The following MFSD2B variants were observed in gnomAD, a reference collection of about 807,000 sequenced individuals.
The protein encoded by MFSD2B is sphingosine-1-phosphate transporter MFSD2B.
A neutral mutation model predicts 58.4 loss-of-function variants in MFSD2B; 56 were observed. The ratio of observed to expected loss-of-function variants is 0.96; its 90% CI spans 0.77 to 1.20. The LOEUF is 1.20. MFSD2B is among the 50% of genes most tolerant of loss of function. MFSD2B has a pLI of 0.00. For missense variants in MFSD2B, 645 were observed against 667.6 expected (o/e 0.97, Z 0.37); for synonymous variants, 287 against 294.4 (o/e 0.97, Z 0.26).
intron 1 of MFSD2B, among the ~76,000 whole-genome samples, chr2:24,011,406 A>G (rs938202760): frequency 3.3e-5 from 5 of 152,216 alleles, no homozygotes; most frequent in Non-Finnish European, 7.3e-5. Flanking sequence ...GGAAGCTGAA[A>G]TGATGTTCAC....
chr2:24,018,767 A>C (rs1394920853), intron 6 of MFSD2B: 1 of 162,854 alleles, frequency 6.1e-6, no homozygotes, highest in East Asian at 1.2e-4. Context: ...CGCCTTCAGG[A>C]CTGGGCATGG....
In MFSD2B at chr2:24,020,285, C is replaced by G. The variant is rs1573641497; in HGVS notation, c.682-1363C>G. ...TCTTGGTGGCTCACAACCCACTGTC[C>G]CATCAGATTTCACTTACAAAATTGA... is the stretch of plus-strand genomic sequence containing the variant. On this transcript the variant is annotated intron_variant, in intron 6 of 13. Transcript: ENST00000338315. The surrounding 1 kb of genome is among the most constrained non-coding windows in gnomAD (Gnocchi z 4.1). Among the ~76,000 whole-genome samples the G allele has an allele frequency of 6.6e-6, 1 of 152,148 alleles. No homozygotes were observed. The highest frequency in any genetic ancestry group is 2.4e-5 in the African/African-American group (1 of 41,434).
Position 24,020,645 on chromosome 2 carries a change from G to A in MFSD2B, c.682-1003G>A, listed in dbSNP as rs777262789. Among the ~76,000 whole-genome samples the A allele has an allele frequency of 6.6e-6, 1 of 151,764 alleles. No individual in the cohort carries two copies. Among genetic ancestry groups the A allele is most frequent in the East Asian group, 1.9e-4 (1 of 5,160 alleles). ...TGCAATCACAGCTCACAGCAACCTC[G>A]ACCTCCCAGACTCAAGCGATTCTGC... On this transcript the variant is annotated intron_variant, in intron 6 of 13. Transcript: ENST00000338315. The surrounding 1 kb of genome is among the most constrained non-coding windows in gnomAD (Gnocchi z 4.1).
rs769192324 is a variant in MFSD2B at position 24,017,528 on chromosome 2, C to G, written c.621C>G (p.His207Gln). The G allele has an allele frequency of 4.4e-6, 7 of 1,579,422 alleles. No individual in the cohort carries two copies. The Admixed American group carries it at 7.3e-5, about 16-fold the overall frequency. The change falls in exon 6 of 14, where the codon CAC (histidine) becomes CAG (glutamine). Residue 207 changes from histidine to glutamine, a missense_variant. By Grantham distance (24) the His-to-Gln change is conservative. Coordinates refer to ENST00000338315, the MANE Select transcript of MFSD2B (RefSeq NM_001346880.2). The surrounding 1 kb of genome is among the most constrained non-coding windows in gnomAD (Gnocchi z 4.8). ...ACGGGCTCATCGTGTCCGGCGCCCA[C>G]AGACCCCACAGGTGCGAGGCCACTG... Reference protein sequence around the residue: ...TVHGLIVSGAHRPHRCEATAT... With the variant: ...TVHGLIVSGAQRPHRCEATAT...
chr2:24,016,394 T>G, intron 3 of MFSD2B, 114 bp downstream of exon 3: 1 of 1,183,774 alleles, frequency 8.4e-7, no homozygotes. Flanking sequence ...GAGACAAGAC[T>G]GGATAATATC....
At chr2:24,010,337 A>C in intron 1 of MFSD2B, 145 bp downstream of exon 1, 1 of 597,266 alleles carries the variant, frequency 1.7e-6, no homozygotes, top group Non-Finnish European at 2.5e-6. Context: ...GCGGGGTTAC[A>C]CGGCTGGGAG....
chr2:24,023,441 A>T lies in MFSD2B; in HGVS notation c.1170-142A>T. 1 of 1,046,200 alleles carries T rather than the reference A, an allele frequency of 9.6e-7. No homozygotes were observed. Among genetic ancestry groups the T allele is most frequent in the Non-Finnish European group, 1.4e-6 (1 of 723,296 alleles). 64.8% of individuals were successfully genotyped at this position (1,046,200 alleles called of 1,614,324 possible). On this transcript the variant is annotated intron_variant, in intron 11 of 13. Transcript: ENST00000338315. The surrounding 1 kb of genome is among the most constrained non-coding windows in gnomAD (Gnocchi z 5.0). Reference sequence around the variant, plus strand: ...GGGCTGGCGGGGGGTACGAGCACACAGGCCATCTGCTTCTCTGGTGGCCAG... The same window carrying T: ...GGGCTGGCGGGGGGTACGAGCACACTGGCCATCTGCTTCTCTGGTGGCCAG...
At position 24,023,628 on chromosome 2, in the gene MFSD2B, T is replaced by C. The variant is rs780173054; in HGVS notation, c.1215T>C (p.Arg405=). ...DVVDDFQLQH[R]HGPGLETIFY... ...TGGATGACTTTCAGCTGCAGCACCG[T>C]CACGGGCCAGGCCTGGAGACCATCT... Residue 405 remains arginine (R), a synonymous_variant, in exon 12 of 14, where the codon CGT becomes CGC. Transcript: ENST00000338315. This position sits in a 1 kb window ranked among gnomAD's most constrained non-coding sequence, Gnocchi z 5.0. 3 of 1,613,934 alleles carry C rather than the reference T, an allele frequency of 1.9e-6. No homozygotes were observed. The South Asian group carries it at 3.3e-5, about 18-fold the overall frequency.
chr2:24,023,727 G>A lies in MFSD2B; in HGVS notation c.1313+1G>A. 6.2e-7 allele frequency: 1 copy of A among 1,613,768 alleles called. No individual in the cohort carries two copies. The highest frequency in any genetic ancestry group is 1.7e-4 in the Middle Eastern group (1 of 6,060). On this transcript the variant is annotated splice_donor_variant, in intron 12 of 13. Coordinates refer to ENST00000338315, the MANE Select transcript of MFSD2B (RefSeq NM_001346880.2). LOFTEE classifies it high-confidence loss of function. The surrounding 1 kb of genome is among the most constrained non-coding windows in gnomAD (Gnocchi z 5.0). Reference sequence around the variant, plus strand: ...TGGGCATCTCCACCCTCAGTCTGGAGTGAGTCCCAGGGTTAGGATACAGCA... The same window carrying A: ...TGGGCATCTCCACCCTCAGTCTGGAATGAGTCCCAGGGTTAGGATACAGCA...
At chr2:24,015,163 C>T (rs13015493) in intron 2 of MFSD2B, among the ~76,000 whole-genome samples, 7,501 of 150,834 alleles carry the variant, frequency 0.05, 249 homozygotes, top group Non-Finnish European at 0.075. Context: ...GGTATCCAGC[C>T]GGGTATGGTG....
chr2:24,025,617 A>G lies in MFSD2B; in HGVS notation c.*161A>G, dbSNP rs984986533. On this transcript the variant is annotated 3_prime_UTR_variant, in exon 14 of 14. Transcript: ENST00000338315. ...ACGTGTCCTGAAGGGACTGGCCCGC[A>G]CTCCAGGACCCCACTTGGCATTTCT... is the stretch of plus-strand genomic sequence containing the variant. The G allele has an allele frequency of 4.6e-6, 3 of 646,640 alleles. No individual in the cohort carries two copies. Among genetic ancestry groups the G allele is most frequent in the African/African-American group, 1.8e-5 (1 of 55,382 alleles). 40.1% of individuals were successfully genotyped at this position (646,640 alleles called of 1,614,324 possible).
At chr2:24,018,472 G>C (rs1372459415) in intron 6 of MFSD2B, 1 of 182,448 alleles carries the variant, frequency 5.5e-6, no homozygotes, top group Admixed American at 6.3e-5. Context: ...TACTCTTTGT[G>C]GGGAAGAGGG....
At position 24,021,761 on chromosome 2, in the gene MFSD2B, A is replaced by C; in HGVS notation, c.772+23A>C. 4 of 1,612,744 alleles carry C rather than the reference A, an allele frequency of 2.5e-6. No homozygotes were observed. The highest frequency in any genetic ancestry group is 3.4e-6 in the Non-Finnish European group (4 of 1,179,304). On this transcript the variant is annotated intron_variant, in intron 7 of 13. Coordinates refer to ENST00000338315, the MANE Select transcript of MFSD2B (RefSeq NM_001346880.2). The surrounding 1 kb of genome is among the most constrained non-coding windows in gnomAD (Gnocchi z 5.7). ...CAGGTATGGGGTTTGGTGAGGAGGG[A>C]AGCAGAAGCTGGGGGCAGGGCTCTG...
chr2:24,024,447 C>T lies in MFSD2B; in HGVS notation c.1490+176C>T, dbSNP rs1318360491. Among the ~76,000 whole-genome samples the T allele has an allele frequency of 6.6e-6, 1 of 152,184 alleles. No individual in the cohort carries two copies. The highest frequency in any genetic ancestry group is 2.1e-4 in the South Asian group (1 of 4,822). On this transcript the variant is annotated intron_variant, in intron 13 of 13. Transcript: ENST00000338315. This position sits in a 1 kb window ranked among gnomAD's most constrained non-coding sequence, Gnocchi z 4.3. ...TTTTCTTCTCCCACTCTGGCCACCCCTTCTCAGTCTTCTTCCTTTGATCAC... is the reference window on the plus strand; with the variant it reads ...TTTTCTTCTCCCACTCTGGCCACCCTTTCTCAGTCTTCTTCCTTTGATCAC...
In MFSD2B at chr2:24,023,928, A is replaced by G. The variant is rs1177157555; in HGVS notation, c.1314-167A>G. On this transcript the variant is annotated intron_variant, in intron 12 of 13. Coordinates refer to ENST00000338315, the MANE Select transcript of MFSD2B (RefSeq NM_001346880.2). This position sits in a 1 kb window ranked among gnomAD's most constrained non-coding sequence, Gnocchi z 5.0. ...AGCTCCCCTATTCTCAGTTCCCTCT[A>G]AACTCTCCCAGGTCAGCCTGTCACC... is the stretch of plus-strand genomic sequence containing the variant. 2.0e-5 allele frequency among the ~76,000 whole-genome samples: 3 copies of G among 152,160 alleles called. No homozygotes were observed. Among genetic ancestry groups the G allele is most frequent in the Admixed American group, 6.5e-5 (1 of 15,284 alleles).
rs1662881599 is a variant in MFSD2B, at chr2:24,023,658, C to T, written c.1245C>T (p.Tyr415=). 2.5e-6 allele frequency: 4 copies of T among 1,613,852 alleles called. No homozygotes were observed. The African/African-American group carries it at 5.3e-5, about 22-fold the overall frequency. Residue 415 remains tyrosine, a synonymous_variant, in exon 12 of 14, where the codon TAC becomes TAT. Transcript: ENST00000338315. The surrounding 1 kb of genome is among the most constrained non-coding windows in gnomAD (Gnocchi z 5.0). ...GGCCAGGCCTGGAGACCATCTTCTA[C>T]TCCTCCTACGTCTTCTTCACCAAGC... The part of the protein sequence containing the change: ...RHGPGLETIF[Y]SSYVFFTKLS...
At chr2:24,016,010 C>G in intron 2 of MFSD2B, 146 bp from the exon 3 acceptor site, 1 of 978,200 alleles carries the variant, frequency 1.0e-6, no homozygotes, top group Non-Finnish European at 1.6e-6. Context: ...GATCAGCATC[C>G]TGGGGAAGGC....
rs965552330 is a variant in MFSD2B, at chr2:24,023,432, C to G, written c.1170-151C>G. ...GCCGGCAGGGGGCTGGCGGGGGGTA[C>G]GAGCACACAGGCCATCTGCTTCTCT... On this transcript the variant is annotated intron_variant, in intron 11 of 13. Coordinates refer to ENST00000338315, the MANE Select transcript of MFSD2B (RefSeq NM_001346880.2). This position sits in a 1 kb window ranked among gnomAD's most constrained non-coding sequence, Gnocchi z 5.0. The G allele has an allele frequency of 1.9e-4, 195 of 1,001,152 alleles. No homozygotes were observed. The highest frequency in any genetic ancestry group is 2.6e-4 in the Non-Finnish European group (177 of 683,226). 62.0% of individuals were successfully genotyped at this position (1,001,152 alleles called of 1,614,324 possible).
At chr2:24,025,326 C>A in intron 13 of MFSD2B, 106 bp from the exon 14 acceptor site, 1 of 976,456 alleles carries the variant, frequency 1.0e-6, no homozygotes, top group Non-Finnish European at 1.6e-6. Context: ...AGAGGAGTTG[C>A]TGGGAAGACA....
Sources: gnomAD v4.1 joint callset for allele counts (sites outside exome capture counted in the v4.1 genomes callset) on GRCh38, gnomAD v4.1.1 for gene constraint, Gnocchi (gnomAD v3.1) non-coding constraint, MANE v1.5 for transcripts, NCBI Gene and HGNC (gene_info 2026-07-23, HGNC 2026-07-21) for gene names.